Variants in GSTA4 observed in about 807,000 individuals in gnomAD.
GSTA4 encodes glutathione S-transferase A4.
In GSTA4, 15 loss-of-function variants were observed where a neutral mutation model predicts 24.4. The observed-to-expected ratio is 0.61, with a 90% CI of 0.41 to 0.95. The LOEUF (loss-of-function observed/expected upper bound fraction) is 0.95. Ranked by LOEUF, GSTA4 falls within the 40% of genes least tolerant of loss-of-function variation. GSTA4 has a pLI of 0.00. For missense variants in GSTA4, 244 were observed against 262.1 expected, an observed-to-expected ratio of 0.93 and a Z score of 0.48; for synonymous variants, 92 against 94.2, an observed-to-expected ratio of 0.98 and a Z score of 0.13.
chr6:52,989,436 A>T (rs983072679), intron 2 of GSTA4, among the ~76,000 whole-genome samples: 4 of 152,208 alleles, frequency 2.6e-5, no homozygotes, highest in African/African-American at 9.7e-5. Context: ...TGGGAGGAAG[A>T]CACATGCTGA....
In GSTA4 at chr6:52,978,462, GTGT is replaced by G; in HGVS notation, c.*5_*7del. 1.2e-6 allele frequency: 2 copies of G among 1,613,062 alleles called. No individual in the cohort carries two copies. Among genetic ancestry groups the G allele is most frequent in the Non-Finnish European group, 1.7e-6 (2 of 1,179,390 alleles). Reference sequence around the variant, plus strand: ...AACACACTGTCACTCACACATGGATGTGTTGTTTTATGGCCTAAAGATGTTGTA... The same window carrying G: ...AACACACTGTCACTCACACATGGATGTGTTTTATGGCCTAAAGATGTTGTA... On this transcript the variant is annotated 3_prime_UTR_variant, in exon 7 of 7. Coordinates refer to ENST00000370963, the MANE Select transcript of GSTA4 (RefSeq NM_001512.4).
intron 6 of GSTA4, 95 bp from the exon 7 acceptor site, chr6:52,978,687 A>G: frequency 1.3e-6 from 1 of 756,310 alleles, no homozygotes; most frequent in African/African-American, 1.8e-5. Flanking sequence ...AAATTTGTTC[A>G]ATAAATACTT....
intron 3 of GSTA4, among the ~76,000 whole-genome samples, chr6:52,986,003 A>T (rs1183157441): frequency 6.6e-6 from 1 of 152,174 alleles, no homozygotes; most frequent in Non-Finnish European, 1.5e-5. Context: ...ATGAGCCAAG[A>T]TCGCGCCATT....
intron 3 of GSTA4, among the ~76,000 whole-genome samples, chr6:52,986,061 G>C (rs1379927044): frequency 6.6e-6 from 1 of 151,818 alleles, no homozygotes; most frequent in African/African-American, 2.4e-5. Context: ...AAAAAAAGAA[G>C]GCTGAAAACT....
In GSTA4 at chr6:52,982,682, G is replaced by A. The variant is rs1250976697; in HGVS notation, c.438C>T (p.Ser146=). 2 of 1,612,320 alleles carry A rather than the reference G, an allele frequency of 1.2e-6. No homozygotes were observed. The highest frequency in any genetic ancestry group is 1.7e-5 in the Admixed American group (1 of 59,938). The change falls in exon 6 of 7, where the codon AGC becomes AGT. Residue 146 remains serine (S), a synonymous_variant. Coordinates refer to ENST00000370963, the MANE Select transcript of GSTA4 (RefSeq NM_001512.4). ...GGCTCAGCTGATTACCAACAAGAAA[G>A]CTTTGTCCGTGACCCCTTAAAATCT... ...FEKILRGHGQ[S]FLVGNQLSLA... is the part of the protein sequence containing the mutation.
intron 5 of GSTA4, among the ~76,000 whole-genome samples, chr6:52,983,889 T>C (rs1343461255): frequency 6.6e-6 from 1 of 152,208 alleles, no homozygotes; most frequent in Non-Finnish European, 1.5e-5. Flanking sequence ...GGTCTTCCCA[T>C]ATTTTCACAC....
In GSTA4 at chr6:52,982,617, T is replaced by A; in HGVS notation, c.503A>T (p.Glu168Val). The A allele has an allele frequency of 6.2e-7, 1 of 1,610,190 alleles. No individual in the cohort carries two copies. The highest frequency in any genetic ancestry group is 8.5e-7 in the Non-Finnish European group (1 of 1,176,608). Residue 168 changes from glutamate to valine, a missense_variant, in exon 6 of 7, where the codon GAA becomes GTA. By Grantham distance (121) the Glu-to-Val change is moderately radical. Transcript: ENST00000370963. ...AGACAGGATATTAGGAATTTTCTCTTCTAGAGCTAAAATGGTTTGGAGTAA... is the reference window on the plus strand; with the variant it reads ...AGACAGGATATTAGGAATTTTCTCTACTAGAGCTAAAATGGTTTGGAGTAA... ...VILLQTILAL[E>V]EKIPNILSAF...
rs1408537749 is a variant in GSTA4 at position 52,994,246 on chromosome 6, T to G, written c.-3A>C. On this transcript the variant is annotated 5_prime_UTR_variant, in exon 2 of 7. Transcript: ENST00000370963. Reference sequence around the variant, plus strand: ...TGGAGCTTGGGCCTTGCTGCCATGATAGCTTTTCAGGCTTTCTGAAATACA... The same window carrying G: ...TGGAGCTTGGGCCTTGCTGCCATGAGAGCTTTTCAGGCTTTCTGAAATACA... 6 of 1,602,906 alleles carry G rather than the reference T, an allele frequency of 3.7e-6. No homozygotes were observed. The Admixed American group carries it at 6.7e-5, about 18-fold the overall frequency.
At chr6:52,992,879 T>G (rs905382467) in intron 2 of GSTA4, among the ~76,000 whole-genome samples, 17 of 152,076 alleles carry the variant, frequency 1.1e-4, no homozygotes, top group African/African-American at 3.6e-4. Flanking sequence ...GGTGGGTGCA[T>G]CACTTGAGGT....
chr6:52,978,917 TG>T (rs1376376644), intron 6 of GSTA4, among the ~76,000 whole-genome samples: 1 of 152,048 alleles, frequency 6.6e-6, no homozygotes, highest in Non-Finnish European at 1.5e-5. Context: ...CCGCGGGCTG[TG>T]GGTTGGACAA....
In GSTA4 at chr6:52,978,495, G is replaced by A; in HGVS notation, c.644C>T (p.Thr215Ile). ...KPPPDEIYVR[T>I]VYNIFRP is the part of the protein sequence containing the mutation. ...TTATGGCCTAAAGATGTTGTAGACGGTTCTCACATAAATTTCATCAGGGGG... is the reference window on the plus strand; with the variant it reads ...TTATGGCCTAAAGATGTTGTAGACGATTCTCACATAAATTTCATCAGGGGG... Residue 215 changes from threonine to isoleucine, a missense_variant, in exon 7 of 7, where the codon ACC (threonine) becomes ATC (isoleucine). By Grantham distance (89) the Thr-to-Ile change is moderately conservative. Coordinates refer to ENST00000370963, the MANE Select transcript of GSTA4 (RefSeq NM_001512.4). 1 of 1,613,566 alleles carries A rather than the reference G, an allele frequency of 6.2e-7. No homozygotes were observed. The highest frequency in any genetic ancestry group is 8.5e-7 in the Non-Finnish European group (1 of 1,179,690).
intron 2 of GSTA4, among the ~76,000 whole-genome samples, chr6:52,991,936 T>G (rs1052959295): frequency 1.3e-4 from 20 of 152,048 alleles, no homozygotes; most frequent in Admixed American, 1.2e-3. Context: ...TTTGTATTTT[T>G]GGGAGAGACG....
intron 2 of GSTA4, among the ~76,000 whole-genome samples, chr6:52,990,830 T>C (rs1763646641): frequency 6.6e-6 from 1 of 152,146 alleles, no homozygotes; most frequent in Admixed American, 6.5e-5. Flanking sequence ...TTTTTCACTT[T>C]CCTCTTAACA....
intron 3 of GSTA4, 147 bp from the exon 4 acceptor site, chr6:52,985,730 C>A (rs988102901): frequency 2.4e-6 from 2 of 850,318 alleles, no homozygotes; most frequent in Non-Finnish European, 3.7e-6. Flanking sequence ...ACCTTAACTT[C>A]ATTCAGGAGA....
intron 2 of GSTA4, among the ~76,000 whole-genome samples, chr6:52,993,245 T>G (rs1306635190): frequency 1.3e-5 from 2 of 152,254 alleles, no homozygotes; most frequent in Non-Finnish European, 2.9e-5. Context: ...TGAGGGACTG[T>G]ATTATTTTAC....
At chr6:52,987,231 C>CT (rs1763578862) in intron 3 of GSTA4, 126 bp downstream of exon 3, 4 of 650,604 alleles carry the variant, frequency 6.1e-6, no homozygotes, top group South Asian at 2.0e-5. Flanking sequence ...TTCCCTCTTG[C>CT]TTTTTTTGGT....
At chr6:52,991,702 A>T (rs1263430525) in intron 2 of GSTA4, among the ~76,000 whole-genome samples, 1 of 152,092 alleles carries the variant, frequency 6.6e-6, no homozygotes, top group African/African-American at 2.4e-5. Flanking sequence ...CCAAAAATAA[A>T]TGGCACTAGA....
At position 52,985,060 on chromosome 6, in the gene GSTA4, A is replaced by C. The variant is rs182237806; in HGVS notation, c.272+391T>G. Among the ~76,000 whole-genome samples the C allele has an allele frequency of 6.6e-5, 10 of 152,320 alleles. No individual in the cohort carries two copies. The East Asian group carries it at 1.9e-3, about 29-fold the overall frequency. On this transcript the variant is annotated intron_variant, in intron 4 of 6. Transcript: ENST00000370963. ...CACGTTGCCCAGGGTCATACATCTA[A>C]GGGGTGCAAGGACCAGGCTTTGATT...
At chr6:52,981,129 T>A (rs937565283) in intron 6 of GSTA4, among the ~76,000 whole-genome samples, 4 of 152,174 alleles carry the variant, frequency 2.6e-5, no homozygotes, top group Non-Finnish European at 4.4e-5. Flanking sequence ...AAAAAAAATA[T>A]AAACTATAAC....
Sources: allele counts gnomAD v4.1 joint callset (sites outside exome capture counted in the v4.1 genomes callset), GRCh38; gene constraint gnomAD v4.1.1; transcripts MANE v1.5; gene names NCBI Gene and HGNC (gene_info 2026-07-23, HGNC 2026-07-21).